Variants in ABCA7 observed in about 807,000 individuals in gnomAD.
The protein encoded by ABCA7 is phospholipid-transporting ATPase ABCA7.
A neutral mutation model predicts 227.6 loss-of-function variants in ABCA7; 261 were observed. The ratio of observed to expected loss-of-function variants is 1.15; its 90% confidence interval spans 1.04 to 1.27. The LOEUF (loss-of-function observed/expected upper bound fraction) is 1.27, where lower values mean the gene tolerates loss of function less well. Among genes scored for constraint, ABCA7 ranks in the 50% most tolerant of loss-of-function variants. The pLI is 0.00. For synonymous variants in ABCA7, 1,488 were observed against 1,279.7 expected, an observed-to-expected ratio of 1.16 and a Z score of -3.47; for missense variants, 3,331 against 2,924.5, an observed-to-expected ratio of 1.14 and a Z score of -3.21.
rs1013895460 is a variant in ABCA7 at position 1,062,075 on chromosome 19, G to A, written c.5571-97G>A. ...TGAGACACCCCTGTCCCTTATCAGC[G>A]TGGCCCTGGATGGGTGGGCCCTGAG... On this transcript the variant is annotated intron_variant, in intron 41 of 46. Transcript: ENST00000263094. 16 of 1,539,156 alleles carry A rather than the reference G, an allele frequency of 1.0e-5. No individual in the cohort carries two copies. In the East Asian group the frequency reaches 2.3e-4, roughly 22 times the overall value.
rs756448496 is a variant in ABCA7, at chr19:1,045,202, G to C, written c.1416G>C (p.Val472=). 6.2e-7 allele frequency: 1 copy of C among 1,612,474 alleles called. No individual in the cohort carries two copies. The highest frequency in any genetic ancestry group is 8.5e-7 in the Non-Finnish European group (1 of 1,179,928). ...TCAAAATCCGCATGGACATTGACGT[G>C]GTCACGAGGACCAATAAGATCAGGG... ...VRIKIRMDID[V]VTRTNKIRDR... The change falls in exon 12 of 47, where the codon GTG becomes GTC. Residue 472 remains valine (V), a synonymous_variant. Coordinates refer to ENST00000263094, the MANE Select transcript of ABCA7 (RefSeq NM_019112.4).
Position 1,057,531 on chromosome 19 carries a change from A to AT in ABCA7, c.4880+103dup. On this transcript the variant is annotated intron_variant, in intron 35 of 46. Coordinates refer to ENST00000263094, the MANE Select transcript of ABCA7 (RefSeq NM_019112.4). ...CTCTGCAGTGACTCCCAAGGAGAGG[A>AT]TATGGAGGTCTGAGGTGATGCCGTG... is the stretch of plus-strand genomic sequence containing the variant. 2.5e-6 allele frequency: 3 copies of AT among 1,200,640 alleles called. No homozygotes were observed. In the South Asian group the frequency reaches 3.8e-5, roughly 15 times the overall value. 74.4% of individuals were successfully genotyped at this position (1,200,640 alleles called of 1,614,324 possible).
At chr19:1,050,102 G>A (rs553853797) in intron 18 of ABCA7, among the ~76,000 whole-genome samples, 1 of 150,612 alleles carries the variant, frequency 6.6e-6, no homozygotes, top group Admixed American at 6.6e-5. Flanking sequence ...TTGGGCAACG[G>A]AGTAAGACCC....
chr19:1,052,231 G>A lies in ABCA7; in HGVS notation c.3165G>A (p.Glu1055=). The A allele has an allele frequency of 6.4e-7, 1 of 1,573,218 alleles. No individual in the cohort carries two copies. Among genetic ancestry groups the A allele is most frequent in the African/African-American group, 1.4e-5 (1 of 72,812 alleles). The part of the protein sequence containing the change: ...TTNEKADTDM[E]GSVDTRQEKK... Reference sequence around the variant, plus strand: ...GCCCGCAGGCTGACACTGACATGGAGGGCAGTGTGGACACCAGGCAGGAAA... The same window carrying A: ...GCCCGCAGGCTGACACTGACATGGAAGGCAGTGTGGACACCAGGCAGGAAA... Residue 1055 remains glutamate (E), a synonymous_variant, in exon 23 of 47, where the codon GAG becomes GAA. Coordinates refer to ENST00000263094, the MANE Select transcript of ABCA7 (RefSeq NM_019112.4).
At position 1,048,886 on chromosome 19, in the gene ABCA7, TC is replaced by T. The variant is rs2041055794; in HGVS notation, c.2270-5del. 1 of 1,552,922 alleles carries T rather than the reference TC, an allele frequency of 6.4e-7. No individual in the cohort carries two copies. Among genetic ancestry groups the T allele is most frequent in the Non-Finnish European group, 8.7e-7 (1 of 1,143,482 alleles). On this transcript the variant is annotated splice_polypyrimidine_tract_variant and splice_region_variant and intron_variant, in intron 16 of 46. Transcript: ENST00000263094. Reference sequence around the variant, plus strand: ...TGGGCTAAGCAATAACCCGCGCCCCTCCCCGCAGGCCAGTACGGGATCCCTG... The same window carrying T: ...TGGGCTAAGCAATAACCCGCGCCCCTCCCGCAGGCCAGTACGGGATCCCTG...
At position 1,044,640 on chromosome 19, in the gene ABCA7, G is replaced by A; in HGVS notation, c.1111G>A (p.Glu371Lys). 2 of 1,613,224 alleles carry A rather than the reference G, an allele frequency of 1.2e-6. No homozygotes were observed. The highest frequency in any genetic ancestry group is 1.7e-6 in the Non-Finnish European group (2 of 1,179,968). The stretch of plus-strand genomic sequence containing the variant: ...CAGACCTGGAGGCCGGGACCACATG[G>A]AGGCCCTGCGATCCTTTCTGGACCC... ...QPRPGGRDHM[E>K]ALRSFLDPGS... Residue 371 changes from glutamate to lysine, a missense_variant, in exon 11 of 47, where the codon GAG (glutamate) becomes AAG (lysine). By Grantham distance (56) the Glu-to-Lys change is moderately conservative. Coordinates refer to ENST00000263094, the MANE Select transcript of ABCA7 (RefSeq NM_019112.4).
At chr19:1,063,489 C>A in intron 42 of ABCA7, 55 bp from the exon 43 acceptor site, 1 of 1,585,196 alleles carries the variant, frequency 6.3e-7, no homozygotes. Context: ...CACTGTGGCC[C>A]TGCCCCATAC....
intron 16 of ABCA7, 80 bp from the exon 17 acceptor site, chr19:1,048,815 A>G (rs1395062242): frequency 2.5e-6 from 2 of 809,262 alleles, no homozygotes; most frequent in African/African-American, 1.8e-5. Context: ...TCTCAAAAAA[A>G]AAAAAAAACA....
Position 1,063,754 on chromosome 19 carries a change from C to T in ABCA7, c.5848-6C>T, listed in dbSNP as rs2042844144. 1 of 1,547,468 alleles carries T rather than the reference C, an allele frequency of 6.5e-7. No individual in the cohort carries two copies. The highest frequency in any genetic ancestry group is 1.2e-5 in the South Asian group (1 of 84,400). On this transcript the variant is annotated splice_region_variant and splice_polypyrimidine_tract_variant and intron_variant, in intron 43 of 46. Coordinates refer to ENST00000263094, the MANE Select transcript of ABCA7 (RefSeq NM_019112.4). Reference sequence around the variant, plus strand: ...CCTTGCTTATGGGATCTTCCGTGCTCCCCAGGACGAGCCGACCACAGGCAT... The same window carrying T: ...CCTTGCTTATGGGATCTTCCGTGCTTCCCAGGACGAGCCGACCACAGGCAT...
Position 1,046,223 on chromosome 19 carries a change from C to T in ABCA7, c.1446-7C>T. 1.9e-6 allele frequency: 3 copies of T among 1,605,946 alleles called. No individual in the cohort carries two copies. The highest frequency in any genetic ancestry group is 2.5e-6 in the Non-Finnish European group (3 of 1,179,352). ...CCCTACAACCGGCCACCATGCCCCT[C>T]TCGCAGGTTTTGGGACCCTGGCCCA... is the stretch of plus-strand genomic sequence containing the variant. On this transcript the variant is annotated splice_region_variant and splice_polypyrimidine_tract_variant and intron_variant, in intron 12 of 46. Transcript: ENST00000263094.
chr19:1,053,701 C>A (rs1019185903), intron 24 of ABCA7, 87 bp from the exon 25 acceptor site: 2 of 1,549,920 alleles, frequency 1.3e-6, no homozygotes, highest in Non-Finnish European at 1.8e-6. Flanking sequence ...GCCTGGGGGA[C>A]CCATGGTGTA....
At position 1,065,023 on chromosome 19, in the gene ABCA7, AG is replaced by A. The variant is rs2042954792; in HGVS notation, c.6138del (p.Glu2046AspfsTer43). 1.9e-6 allele frequency: 3 copies of A among 1,555,554 alleles called. No homozygotes were observed. Among genetic ancestry groups the A allele is most frequent in the Non-Finnish European group, 2.6e-6 (3 of 1,151,868 alleles). On this transcript the variant is annotated frameshift_variant, in exon 46 of 47. Transcript: ENST00000263094. LOFTEE classifies it high-confidence loss of function. ...GTGGCGGCCGAGTTCCCTGGGGCGG[AG>A]CTGCGCGAGGCACATGGAGGCCGCC... ...AFVAAEFPGA[E>X]LREAHGGRLR...
rs555585399 is a variant in ABCA7, at chr19:1,051,471, C to T, written c.2847C>T (p.Ser949=). 2.4e-5 allele frequency: 38 copies of T among 1,612,468 alleles called. No individual in the cohort carries two copies. In the East Asian group the frequency reaches 4.0e-4, roughly 17 times the overall value. Reference sequence around the variant, plus strand: ...CAGGTGGGATGCAACGGAAGCTGTCCGTGGCCATTGCCTTTGTGGGCGGCT... The same window carrying T: ...CAGGTGGGATGCAACGGAAGCTGTCTGTGGCCATTGCCTTTGTGGGCGGCT... The part of the protein sequence containing the change: ...HLSGGMQRKL[S]VAIAFVGGSQ... Residue 949 remains serine, a synonymous_variant, in exon 21 of 47, where the codon TCC becomes TCT. Coordinates refer to ENST00000263094, the MANE Select transcript of ABCA7 (RefSeq NM_019112.4).
In ABCA7 at chr19:1,046,906, G is replaced by A. The variant is rs776183093; in HGVS notation, c.1727G>A (p.Arg576Gln). ...GCCGTGGTGCGGGAGAAGGAGACGCGGCTGCGGGACACCATGCGCGCCATG... is the reference window on the plus strand; with the variant it reads ...GCCGTGGTGCGGGAGAAGGAGACGCAGCTGCGGGACACCATGCGCGCCATG... ...VKAVVREKET[R>Q]LRDTMRAMGL... is the part of the protein sequence containing the mutation. Residue 576 changes from arginine to glutamine, a missense_variant, in exon 14 of 47, where the codon CGG becomes CAG. By Grantham distance (43) the Arg-to-Gln change is conservative. Coordinates refer to ENST00000263094, the MANE Select transcript of ABCA7 (RefSeq NM_019112.4). 1.3e-6 allele frequency: 2 copies of A among 1,556,896 alleles called. No homozygotes were observed. Among genetic ancestry groups the A allele is most frequent in the Non-Finnish European group, 1.7e-6 (2 of 1,156,246 alleles).
rs765596054 is a variant in ABCA7 at position 1,051,298 on chromosome 19, A to T, written c.2824+4A>T. 8 of 1,591,724 alleles carry T rather than the reference A, an allele frequency of 5.0e-6. No homozygotes were observed. The highest frequency in any genetic ancestry group is 6.8e-6 in the Non-Finnish European group (8 of 1,168,772). ...GTGCAGACTCGCCACCTCTCTGGTG[A>T]GCCCATCCCCAAGGGAGGTCACCTC... On this transcript the variant is annotated splice_donor_region_variant and intron_variant, in intron 20 of 46. Transcript: ENST00000263094.
In ABCA7 at chr19:1,049,277, G is replaced by C; in HGVS notation, c.2392G>C (p.Glu798Gln). ...CCCCATCTCTGCAGTGCTGGTAGAAGAGGCACCGCCCGGCCTGAGTCCTGG... is the reference window on the plus strand; with the variant it reads ...CCCCATCTCTGCAGTGCTGGTAGAACAGGCACCGCCCGGCCTGAGTCCTGG... ...TPLDPKVLVE[E>Q]APPGLSPGVS... The change falls in exon 18 of 47, where the codon GAG (glutamate) becomes CAG (glutamine). Residue 798 changes from glutamate (E) to glutamine (Q), a missense_variant. Physicochemically the swap from Glu to Gln is conservative, Grantham distance 29. Transcript: ENST00000263094. 1 of 1,606,032 alleles carries C rather than the reference G, an allele frequency of 6.2e-7. No individual in the cohort carries two copies. Among genetic ancestry groups the C allele is most frequent in the Non-Finnish European group, 8.5e-7 (1 of 1,175,542 alleles).
chr19:1,055,497 CTCT>C, intron 30 of ABCA7, 146 bp downstream of exon 30: 3 of 775,210 alleles, frequency 3.9e-6, no homozygotes, highest in Non-Finnish European at 5.5e-6. Context: ...CCTTCCTTTC[CTCT>C]TTTTTTTTTT....
rs1274400352 is a variant in ABCA7 at position 1,046,869 on chromosome 19, C to G, written c.1690C>G (p.Leu564Val). The change falls in exon 14 of 47, where the codon CTG becomes GTG. Residue 564 changes from leucine to valine, a missense_variant. Coordinates refer to ENST00000263094, the MANE Select transcript of ABCA7 (RefSeq NM_019112.4). The stretch of plus-strand genomic sequence containing the variant: ...GCTGGCCTGGATCTACTCCGTGACA[C>G]TGACAGTGAAGGCCGTGGTGCGGGA... ...LTLAWIYSVTLTVKAVVREKE... is the reference protein window; with the variant it reads ...LTLAWIYSVTVTVKAVVREKE... The G allele has an allele frequency of 2.6e-6, 4 of 1,546,342 alleles. No individual in the cohort carries two copies. Among genetic ancestry groups the G allele is most frequent in the African/African-American group, 2.7e-5 (2 of 73,772 alleles).
At chr19:1,064,275 G>T (rs1401364523) in intron 45 of ABCA7, 22 bp downstream of exon 45, 1 of 1,543,012 alleles carries the variant, frequency 6.5e-7, no homozygotes, top group South Asian at 1.2e-5. Flanking sequence ...CGGCCTCCAG[G>T]CAGGTGTGGG....
Sources: gnomAD v4.1 joint callset for allele counts (sites outside exome capture counted in the v4.1 genomes callset) on GRCh38, gnomAD v4.1.1 for gene constraint, MANE v1.5 for transcripts, NCBI Gene and HGNC (gene_info 2026-07-23, HGNC 2026-07-21) for gene names.